The following FAM149B1 variants were observed in gnomAD, a reference collection of about 807,000 sequenced individuals.
FAM149B1 encodes the protein primary cilium assembly protein FAM149B1.
Under a neutral mutation model 75.3 loss-of-function variants are expected in FAM149B1, and 56 were observed. The ratio of observed to expected loss-of-function variants is 0.74; its 90% CI spans 0.60 to 0.93. The LOEUF is 0.93. FAM149B1 is among the 40% of genes least tolerant of loss of function. FAM149B1 has a pLI of 0.00. For missense variants in FAM149B1, 639 were observed against 708.4 expected (o/e 0.90, Z 1.11); for synonymous variants, 259 against 256.1 (o/e 1.01, Z -0.11).
At chr10:73,183,964 C>A (rs1228818926) in intron 3 of FAM149B1, among the ~76,000 whole-genome samples, 1 of 152,090 alleles carries the variant, frequency 6.6e-6, no homozygotes, top group Non-Finnish European at 1.5e-5. Flanking sequence ...AGGTTTTAGT[C>A]CTGGCTGGGA....
chr10:73,172,579 C>A (rs1294818617), intron 1 of FAM149B1, among the ~76,000 whole-genome samples: 4 of 152,092 alleles, frequency 2.6e-5, no homozygotes, highest in African/African-American at 7.2e-5. Flanking sequence ...CTTTGTTCAA[C>A]CTATTACAGT....
rs3750735 is a variant in FAM149B1 at position 73,177,748 on chromosome 10, A to T, written c.153-98A>T. ...ATGTGGATATATTTGTACACATGTTAATCACCTAGTAAGTTGCTGAGTAGT... is the reference window on the plus strand; with the variant it reads ...ATGTGGATATATTTGTACACATGTTTATCACCTAGTAAGTTGCTGAGTAGT... On this transcript the variant is annotated intron_variant, in intron 2 of 13. Transcript: ENST00000242505. The T allele has an allele frequency of 0.1, 106,413 of 1,044,334 alleles. 9,162 individuals are homozygous for T. The highest frequency in any genetic ancestry group is 0.33 in the African/African-American group (19,872 of 60,270). 64.7% of individuals were successfully genotyped at this position (1,044,334 alleles called of 1,614,324 possible). A position where few individuals can be genotyped will look rare whatever the true frequency, so the allele number is the denominator to read the frequency against.
Position 73,243,830 on chromosome 10 carries a change from C to G in FAM149B1, c.*2811C>G. The G allele has an allele frequency of 6.2e-7, 1 of 1,606,720 alleles. No individual in the cohort carries two copies. The highest frequency in any genetic ancestry group is 8.5e-7 in the Non-Finnish European group (1 of 1,176,254). On this transcript the variant is annotated 3_prime_UTR_variant, in exon 14 of 14. Coordinates refer to ENST00000242505, the MANE Select transcript of FAM149B1 (RefSeq NM_173348.2). The stretch of plus-strand genomic sequence containing the variant: ...AGATCATTAAAGATGTGGCAACAAA[C>G]TGCCAAGTTTACCTGAATGGCTGCC...
At chr10:73,171,478 A>T (rs1004956339) in intron 1 of FAM149B1, among the ~76,000 whole-genome samples, 1 of 152,192 alleles carries the variant, frequency 6.6e-6, no homozygotes, top group Non-Finnish European at 1.5e-5. Context: ...ATGGGAAAGG[A>T]ATGATTTTCA....
intron 12 of FAM149B1, chr10:73,239,000 G>T (rs1049721545): frequency 1.4e-5 from 3 of 208,410 alleles, no homozygotes; most frequent in African/African-American, 4.6e-5. Context: ...CCAACAAAAA[G>T]AAATGAGACG....
At chr10:73,172,088 T>C (rs1460499146) in intron 1 of FAM149B1, among the ~76,000 whole-genome samples, 1 of 145,132 alleles carries the variant, frequency 6.9e-6, no homozygotes, top group Non-Finnish European at 1.5e-5. Context: ...TAATGATATT[T>C]TTTGTTATCT....
intron 1 of FAM149B1, among the ~76,000 whole-genome samples, chr10:73,172,515 T>C (rs781514152): frequency 6.6e-6 from 1 of 152,230 alleles, no homozygotes; most frequent in Non-Finnish European, 1.5e-5. Context: ...AGATTTATGA[T>C]AAACATTTGC....
chr10:73,233,221 C>T (rs1046159396), intron 10 of FAM149B1, 58 bp downstream of exon 10: 1 of 1,179,450 alleles, frequency 8.5e-7, no homozygotes, highest in East Asian at 2.5e-5. Flanking sequence ...ATTTTACATA[C>T]AGAATTAATT....
intron 7 of FAM149B1, 92 bp downstream of exon 7, chr10:73,210,530 A>G (rs1039894488): frequency 1.1e-6 from 1 of 909,614 alleles, no homozygotes; most frequent in African/African-American, 1.7e-5. Context: ...CTTAGTGCAA[A>G]AGGTGCGTAT....
Position 73,192,614 on chromosome 10 carries a change from T to A in FAM149B1, c.341T>A (p.Leu114His). ...VQTMFTAIDE[L>H]LYEQKLSVHT... is the part of the protein sequence containing the mutation. ...ACAATGTTCACAGCCATTGATGAACTCTTGTATGAGCAGAAGTTGAGTGTG... is the reference window on the plus strand; with the variant it reads ...ACAATGTTCACAGCCATTGATGAACACTTGTATGAGCAGAAGTTGAGTGTG... Residue 114 changes from leucine (L) to histidine (H), a missense_variant, in exon 4 of 14, where the codon CTC becomes CAC. Leu to His is a moderately conservative substitution (Grantham distance 99). Coordinates refer to ENST00000242505, the MANE Select transcript of FAM149B1 (RefSeq NM_173348.2). 1 of 1,551,978 alleles carries A rather than the reference T, an allele frequency of 6.4e-7. No individual in the cohort carries two copies. The highest frequency in any genetic ancestry group is 8.7e-7 in the Non-Finnish European group (1 of 1,147,044).
chr10:73,213,695 A>G (rs1232269199), intron 7 of FAM149B1, among the ~76,000 whole-genome samples: 1 of 152,092 alleles, frequency 6.6e-6, no homozygotes, highest in African/African-American at 2.4e-5. Context: ...GTCTATTTTT[A>G]TACCAGTACC....
In FAM149B1 at chr10:73,243,520, CTGTT is replaced by C. The variant is rs1381539179; in HGVS notation, c.*2504_*2507del. 2 of 1,614,074 alleles carry C rather than the reference CTGTT, an allele frequency of 1.2e-6. No individual in the cohort carries two copies. The highest frequency in any genetic ancestry group is 1.7e-6 in the Non-Finnish European group (2 of 1,180,014). The stretch of plus-strand genomic sequence containing the variant: ...CCTTTTGCCGATCCTTTTGTCTGCT[CTGTT>C]TGAGAAGTTAAAACACAAGCTTTCA... On this transcript the variant is annotated 3_prime_UTR_variant, in exon 14 of 14. Transcript: ENST00000242505.
At chr10:73,235,013 T>C in intron 11 of FAM149B1, 73 bp downstream of exon 11, 3 of 1,516,890 alleles carry the variant, frequency 2.0e-6, no homozygotes, top group Non-Finnish European at 2.7e-6. Context: ...GCAGGATCTG[T>C]GCCCTGATCT....
In FAM149B1 at chr10:73,208,710, GA is replaced by G; in HGVS notation, c.637del (p.Arg213GlufsTer7). ...CAAATCCTCCAGCTTTTGTTCTATG[GA>G]AAGAGATGAGGAAGACTCTATAATC... ...IAKSSSFCSMERDEEDSIIVS... is the reference protein window; with the variant it reads ...IAKSSSFCSMXRDEEDSIIVS... On this transcript the variant is annotated frameshift_variant, in exon 6 of 14. Coordinates refer to ENST00000242505, the MANE Select transcript of FAM149B1 (RefSeq NM_173348.2). LOFTEE classifies it high-confidence loss of function. The G allele has an allele frequency of 6.5e-7, 1 of 1,548,838 alleles. No homozygotes were observed. The highest frequency in any genetic ancestry group is 8.7e-7 in the Non-Finnish European group (1 of 1,145,228).
At chr10:73,175,337 T>G (rs923602933) in intron 2 of FAM149B1, among the ~76,000 whole-genome samples, 1 of 152,160 alleles carries the variant, frequency 6.6e-6, no homozygotes, top group Non-Finnish European at 1.5e-5. Context: ...ACCACGATAC[T>G]CCAGCCTGGG....
In FAM149B1 at chr10:73,243,006, T is replaced by C. The variant is rs2043970967; in HGVS notation, c.*1987T>C. On this transcript the variant is annotated 3_prime_UTR_variant, in exon 14 of 14. Transcript: ENST00000242505. ...ATGTGGAAGATAGCTGTCCAGCAAGTGTCTGGAAGGTGTTCTAGCTGGGTA... is the reference window on the plus strand; with the variant it reads ...ATGTGGAAGATAGCTGTCCAGCAAGCGTCTGGAAGGTGTTCTAGCTGGGTA... The C allele has an allele frequency of 5.7e-6, 1 of 174,486 alleles. No homozygotes were observed. The highest frequency in any genetic ancestry group is 5.7e-5 in the Admixed American group (1 of 17,448). The allele number at this position is 174,486 out of a possible 1,614,324, so 10.8% of individuals were successfully genotyped here. A position where few individuals can be genotyped will look rare whatever the true frequency, so the allele number is the denominator to read the frequency against.
At chr10:73,230,729 G>T in intron 9 of FAM149B1, 4 of 486,692 alleles carry the variant, frequency 8.2e-6, no homozygotes, top group Non-Finnish European at 1.5e-5. Flanking sequence ...GGTAAAAAAA[G>T]ACCTAACCAT....
At chr10:73,199,453 A>G (rs1430853063) in intron 5 of FAM149B1, among the ~76,000 whole-genome samples, 2 of 152,002 alleles carry the variant, frequency 1.3e-5, no homozygotes, top group Non-Finnish European at 1.5e-5. Flanking sequence ...TCCTGACCTC[A>G]TGGTCCACCC....
chr10:73,236,047 C>G (rs2043813080), intron 12 of FAM149B1, among the ~76,000 whole-genome samples: 1 of 152,180 alleles, frequency 6.6e-6, no homozygotes, highest in African/African-American at 2.4e-5. Flanking sequence ...GACCCCACAT[C>G]CTGACAGTTT....
Sources: allele counts gnomAD v4.1 joint callset (sites outside exome capture counted in the v4.1 genomes callset), GRCh38; gene constraint gnomAD v4.1.1; transcripts MANE v1.5; gene names NCBI Gene and HGNC (gene_info 2026-07-23, HGNC 2026-07-21).